ZNF829: variants seen among roughly 807,000 people sequenced by gnomAD.
The protein encoded by ZNF829 is zinc finger protein 829.
ZNF829 carries 25 observed loss-of-function variants against 35.2 expected under a neutral mutation model. The observed-to-expected ratio is 0.71, with a 90% confidence interval of 0.52 to 0.99. The LOEUF is 0.99. Among genes scored for constraint, ZNF829 ranks in the 50% least tolerant of loss-of-function variants. The pLI is 0.00. For missense variants in ZNF829, 417 were observed against 515.3 expected, an observed-to-expected ratio of 0.81 and a Z score of 1.85; for synonymous variants, 136 against 163.2, an observed-to-expected ratio of 0.83 and a Z score of 1.27.
chr19:36,909,148 G>A (rs771317233), intron 3 of ZNF829, among the ~76,000 whole-genome samples: 5 of 152,112 alleles, frequency 3.3e-5, no homozygotes, highest in Non-Finnish European at 7.4e-5. Flanking sequence ...GAAAGTGCCA[G>A]TATAATTATA....
At chr19:36,902,504 G>C (rs1389767372) in intron 5 of ZNF829, among the ~76,000 whole-genome samples, 1 of 151,950 alleles carries the variant, frequency 6.6e-6, no homozygotes, top group East Asian at 1.9e-4. Flanking sequence ...TCATGGTGCC[G>C]TGCACCTGTA....
At chr19:36,894,091 A>G (rs1017984311) in intron 5 of ZNF829, among the ~76,000 whole-genome samples, 5 of 152,086 alleles carry the variant, frequency 3.3e-5, no homozygotes, top group African/African-American at 9.7e-5. Context: ...CCCTCATCCT[A>G]TCACCATTGT....
At chr19:36,915,358 C>T (rs911872121) in intron 1 of ZNF829, 107 bp from the exon 2 acceptor site, 3 of 1,362,928 alleles carry the variant, frequency 2.2e-6, no homozygotes, top group Non-Finnish European at 9.8e-7. Flanking sequence ...GCGACATGCA[C>T]GTCTCACCTG....
At position 36,892,297 on chromosome 19, in the gene ZNF829, A is replaced by C. The variant is rs2073063695; in HGVS notation, c.494T>G (p.Phe165Cys). Residue 165 changes from phenylalanine to cysteine, a missense_variant, in exon 6 of 6, where the codon TTT (phenylalanine) becomes TGT (cysteine). Coordinates refer to ENST00000391711, the MANE Select transcript of ZNF829 (RefSeq NM_001037232.4). The stretch of plus-strand genomic sequence containing the variant: ...TTGGATAAATTGTGAGTTTTGATTA[A>C]AGGTCTTTCCACATATCTTACATTC... ...PWECKICGKT[F>C]NQNSQFIQHQ... 1.9e-6 allele frequency: 3 copies of C among 1,613,876 alleles called. No individual in the cohort carries two copies. The highest frequency in any genetic ancestry group is 2.5e-6 in the Non-Finnish European group (3 of 1,179,994).
chr19:36,895,743 G>T (rs2073105710), intron 5 of ZNF829, among the ~76,000 whole-genome samples: 1 of 152,244 alleles, frequency 6.6e-6, no homozygotes, highest in East Asian at 1.9e-4. Context: ...GTAAAAAACT[G>T]CAAAAGAAGC....
At chr19:36,910,956 G>A (rs534687022) in intron 3 of ZNF829, among the ~76,000 whole-genome samples, 1 of 152,246 alleles carries the variant, frequency 6.6e-6, no homozygotes, top group African/African-American at 2.4e-5. Flanking sequence ...GCAGTGAGCC[G>A]AGATTGTGCC....
intron 5 of ZNF829, among the ~76,000 whole-genome samples, chr19:36,897,864 T>G (rs574316775): frequency 6.6e-6 from 1 of 152,214 alleles, no homozygotes; most frequent in African/African-American, 2.4e-5. Flanking sequence ...AGATACAAAA[T>G]CAATATACAA....
In ZNF829 at chr19:36,889,856, G is replaced by A. The variant is rs1385494886; in HGVS notation, c.*1636C>T. 2.0e-5 allele frequency: 3 copies of A among 152,040 alleles called. No homozygotes were observed. The highest frequency in any genetic ancestry group is 7.2e-5 in the African/African-American group (3 of 41,418). The allele number at this position is 152,040 out of a possible 1,614,324, so 9.4% of individuals were successfully genotyped here. On this transcript the variant is annotated 3_prime_UTR_variant, in exon 6 of 6. Transcript: ENST00000391711. ...TTTTCCTAGTTCCTTGAGATGTGAC[G>A]TTAGGCTATTCATTTGAGATTTTTC...
At chr19:36,915,818 A>G in intron 1 of ZNF829, 193 bp downstream of exon 1, 1 of 1,526,900 alleles carries the variant, frequency 6.5e-7, no homozygotes, top group Non-Finnish European at 8.8e-7. Flanking sequence ...GATGGTCTCG[A>G]TCTCTTGACC....
At position 36,891,769 on chromosome 19, in the gene ZNF829, T is replaced by G. The variant is rs1412848402; in HGVS notation, c.1022A>C (p.Asn341Thr). ...CTCACCAGCATGAATTCTGTGATGG[T>G]TAGTAAGTGTTGAGGCACTATTAAA... ...KAFNSASTLT[N>T]HHRIHAGEKL... Residue 341 changes from asparagine (N) to threonine (T), a missense_variant, in exon 6 of 6, where the codon AAC becomes ACC. By Grantham distance (65) the Asn-to-Thr change is moderately conservative. Transcript: ENST00000391711. 1 of 1,614,022 alleles carries G rather than the reference T, an allele frequency of 6.2e-7. No homozygotes were observed. The highest frequency in any genetic ancestry group is 8.5e-7 in the Non-Finnish European group (1 of 1,180,028).
intron 5 of ZNF829, among the ~76,000 whole-genome samples, chr19:36,897,675 A>G (rs1215784686): frequency 6.6e-6 from 1 of 152,226 alleles, no homozygotes; most frequent in Admixed American, 6.5e-5. Flanking sequence ...ATTATTCAAT[A>G]TAGTACTGGA....
At chr19:36,908,558 AATCCT>A (rs1448682151) in intron 3 of ZNF829, 99 bp from the exon 4 acceptor site, 1 of 1,342,952 alleles carries the variant, frequency 7.4e-7, no homozygotes. Flanking sequence ...AAAGGGGGTG[AATCCT>A]ATCATATCAG....
In ZNF829 at chr19:36,908,434, G is replaced by T; in HGVS notation, c.122C>A (p.Ser41Tyr). 6.2e-7 allele frequency: 1 copy of T among 1,609,890 alleles called. No individual in the cohort carries two copies. The highest frequency in any genetic ancestry group is 1.3e-5 in the African/African-American group (1 of 74,800). ...CCATTCCTCTTGAGAGAAGTCTATG[G>T]AAACATCCCTGAACATCACCGGCCC... ...SKGPVMFRDV[S>Y]IDFSQEEWEC... The change falls in exon 4 of 6, where the codon TCC becomes TAC. Residue 41 changes from serine (S) to tyrosine (Y), a missense_variant. Coordinates refer to ENST00000391711, the MANE Select transcript of ZNF829 (RefSeq NM_001037232.4).
At chr19:36,901,579 T>G (rs1447650145) in intron 5 of ZNF829, among the ~76,000 whole-genome samples, 4 of 151,890 alleles carry the variant, frequency 2.6e-5, no homozygotes, top group Non-Finnish European at 5.9e-5. Context: ...CGAGCAGGGG[T>G]TGGGCAACTT....
chr19:36,894,827 T>C (rs988218070), intron 5 of ZNF829, among the ~76,000 whole-genome samples: 1 of 152,108 alleles, frequency 6.6e-6, no homozygotes, highest in African/African-American at 2.4e-5. Context: ...CAACCAAATA[T>C]TCAAATTTTG....
rs368555527 is a variant in ZNF829 at position 36,903,967 on chromosome 19, A to G, written c.319+3962T>C. Among the ~76,000 whole-genome samples the G allele has an allele frequency of 2.9e-4, 44 of 152,360 alleles. No individual in the cohort carries two copies. In the East Asian group the frequency reaches 7.1e-3, roughly 25 times the overall value. The stretch of plus-strand genomic sequence containing the variant: ...CTCAGTTTTGATGGGTTTATTTTCA[A>G]TCCAGTATTTGAACTTGGGAAGAAT... On this transcript the variant is annotated intron_variant, in intron 5 of 5. Transcript: ENST00000391711.
At chr19:36,915,425 C>CATGGTGTGTATAGGAAACACACATAGGAA (rs2073309145) in intron 1 of ZNF829, among the ~76,000 whole-genome samples, 174 bp from the exon 2 acceptor site, 1 of 152,180 alleles carries the variant, frequency 6.6e-6, no homozygotes, top group Non-Finnish European at 1.5e-5. Flanking sequence ...CCATAGGAAA[C>CATGGTGTGTATAGGAAACACACATAGGAA]ACACAATTAC....
At position 36,916,101 on chromosome 19, in the gene ZNF829, G is replaced by T. The variant is rs2073326595; in HGVS notation, c.-175C>A. 3.2e-6 allele frequency: 2 copies of T among 631,194 alleles called. No individual in the cohort carries two copies. The highest frequency in any genetic ancestry group is 1.9e-5 in the African/African-American group (1 of 53,482). The allele number at this position is 631,194 out of a possible 1,614,324, so 39.1% of individuals were successfully genotyped here. A position where few individuals can be genotyped will look rare whatever the true frequency, so the allele number is the denominator to read the frequency against. Reference sequence around the variant, plus strand: ...GCCACCAGGCCCTCTGGGAAATGTAGTCCAGAGCGGGACCCACGCCGATTC... The same window carrying T: ...GCCACCAGGCCCTCTGGGAAATGTATTCCAGAGCGGGACCCACGCCGATTC... On this transcript the variant is annotated 5_prime_UTR_variant, in exon 1 of 6. Transcript: ENST00000391711. This position sits in a 1 kb window ranked among gnomAD's most constrained non-coding sequence, Gnocchi z 5.3.
At chr19:36,904,856 G>T (rs2073202861) in intron 5 of ZNF829, among the ~76,000 whole-genome samples, 1 of 152,154 alleles carries the variant, frequency 6.6e-6, no homozygotes, top group African/African-American at 2.4e-5. Flanking sequence ...GATTAAGAAG[G>T]GGGTGAATTA....
Sources: gnomAD v4.1 joint callset for allele counts (sites outside exome capture counted in the v4.1 genomes callset) on GRCh38, gnomAD v4.1.1 for gene constraint, Gnocchi (gnomAD v3.1) non-coding constraint, MANE v1.5 for transcripts, NCBI Gene and HGNC (gene_info 2026-07-23, HGNC 2026-07-21) for gene names.